The following GPC5 variants were observed in gnomAD, a reference collection of about 807,000 sequenced individuals.
GPC5 encodes the protein glypican-5.
In GPC5, 47 loss-of-function variants were observed where a neutral mutation model predicts 53.9. That is an observed-to-expected ratio of 0.87 (90% CI 0.69 to 1.11). The LOEUF (loss-of-function observed/expected upper bound fraction) is 1.11. Ranked by LOEUF, GPC5 falls within the 50% of genes most tolerant of loss-of-function variation. The probability of loss-of-function intolerance (pLI) is 0.00; values close to 1 mark genes in which losing one functional copy is unlikely to be tolerated. For missense variants in GPC5, 748 were observed against 713.1 expected (o/e 1.05, Z -0.56); for synonymous variants, 286 against 263.3 (o/e 1.09, Z -0.84).
At chr13:92,385,521 T>C (rs1874619477) in intron 7 of GPC5, among the ~76,000 whole-genome samples, 1 of 137,588 alleles carries the variant, frequency 7.3e-6, no homozygotes, top group South Asian at 2.1e-4. Context: ...TATACATACA[T>C]ATGCATATAT....
At chr13:92,014,384 T>G (rs2040688997) in intron 6 of GPC5, among the ~76,000 whole-genome samples, 1 of 152,234 alleles carries the variant, frequency 6.6e-6, no homozygotes, top group African/African-American at 2.4e-5. Flanking sequence ...TTCTTCAGCC[T>G]GCCCACGTTG....
In GPC5 at chr13:92,462,400, G is replaced by A. The variant is rs147466547; in HGVS notation, c.1561+317411G>A. Among the ~76,000 whole-genome samples the A allele has an allele frequency of 5.5e-3, 831 of 152,266 alleles. 10 individuals are homozygous for A. Among genetic ancestry groups the A allele is most frequent in the African/African-American group, 0.019 (798 of 41,558 alleles). On this transcript the variant is annotated intron_variant, in intron 7 of 7. Coordinates refer to ENST00000377067, the MANE Select transcript of GPC5 (RefSeq NM_004466.6). ...GAGTTTAAGGTTGGATGAAGTGTGA[G>A]ATATGAAAGAAGCATCCAGGTGAGT...
chr13:92,675,608 G>A (rs1320414181), intron 7 of GPC5, among the ~76,000 whole-genome samples: 1 of 151,366 alleles, frequency 6.6e-6, no homozygotes, highest in East Asian at 1.9e-4. Flanking sequence ...AAGCAAGTAC[G>A]TGTACAACAA....
intron 7 of GPC5, among the ~76,000 whole-genome samples, chr13:92,175,581 T>G (rs911175971): frequency 8.5e-5 from 13 of 152,170 alleles, no homozygotes; most frequent in African/African-American, 2.7e-4. Flanking sequence ...AAACGTTTAC[T>G]GAACTCTTGG....
intron 6 of GPC5, among the ~76,000 whole-genome samples, chr13:92,132,198 G>A (rs1566449232): frequency 1.3e-5 from 2 of 152,100 alleles, no homozygotes; most frequent in African/African-American, 4.8e-5. Context: ...ATATTTGGTG[G>A]AAGAAAATTA....
At chr13:91,791,691 G>A (rs971325309) in intron 5 of GPC5, among the ~76,000 whole-genome samples, 15 of 148,744 alleles carry the variant, frequency 1.0e-4, no homozygotes, top group African/African-American at 2.0e-4. Flanking sequence ...GCAGCTCTCC[G>A]TTGTAAAATT....
chr13:92,441,678 T>C (rs891933883), intron 7 of GPC5, among the ~76,000 whole-genome samples: 5 of 152,116 alleles, frequency 3.3e-5, no homozygotes, highest in African/African-American at 1.2e-4. Flanking sequence ...CTGAAAGAAG[T>C]CAGTGAAGAC....
At chr13:92,706,240 T>C (rs960938175) in intron 7 of GPC5, among the ~76,000 whole-genome samples, 6 of 152,146 alleles carry the variant, frequency 3.9e-5, no homozygotes, top group Non-Finnish European at 8.8e-5. Context: ...TTTCAAAATG[T>C]CATACGTAAT....
At chr13:91,700,917 A>C (rs1165318700) in intron 3 of GPC5, among the ~76,000 whole-genome samples, 1 of 152,168 alleles carries the variant, frequency 6.6e-6, no homozygotes, top group Non-Finnish European at 1.5e-5. Flanking sequence ...AATTTTTCTG[A>C]AATAATTTCT....
chr13:91,437,289 T>A (rs371207100), intron 1 of GPC5, among the ~76,000 whole-genome samples: 3 of 152,368 alleles, frequency 2.0e-5, no homozygotes, highest in East Asian at 3.8e-4. Context: ...GCCTCGATGG[T>A]CTTTACAATT....
intron 6 of GPC5, among the ~76,000 whole-genome samples, chr13:91,953,056 G>C (rs924265199): frequency 1.3e-5 from 2 of 152,122 alleles, no homozygotes; most frequent in Non-Finnish European, 2.9e-5. Context: ...ACTTTTAAAA[G>C]TAATATAATC....
At chr13:92,499,936 T>A (rs1187012136) in intron 7 of GPC5, among the ~76,000 whole-genome samples, 1 of 152,162 alleles carries the variant, frequency 6.6e-6, no homozygotes, top group Non-Finnish European at 1.5e-5. Context: ...GAATAAGCTA[T>A]AAAACCTGAA....
At chr13:91,488,074 A>G (rs61418383) in intron 2 of GPC5, among the ~76,000 whole-genome samples, 5,766 of 152,228 alleles carry the variant, frequency 0.038, 352 homozygotes, top group African/African-American at 0.13. Flanking sequence ...GGATAGGAAG[A>G]GAGAAATACA....
chr13:92,259,255 A>G (rs1337716604), intron 7 of GPC5, among the ~76,000 whole-genome samples: 2 of 152,202 alleles, frequency 1.3e-5, no homozygotes, highest in East Asian at 3.8e-4. Context: ...TGAACTAAAT[A>G]TTTAATTATA....
intron 5 of GPC5, among the ~76,000 whole-genome samples, chr13:91,803,704 T>C (rs1456124892): frequency 6.6e-6 from 1 of 152,020 alleles, no homozygotes; most frequent in Non-Finnish European, 1.5e-5. Flanking sequence ...AATTGTTGAA[T>C]TAAATTTCCT....
intron 6 of GPC5, among the ~76,000 whole-genome samples, chr13:92,121,534 G>T (rs1342507359): frequency 6.6e-6 from 1 of 152,208 alleles, no homozygotes; most frequent in Non-Finnish European, 1.5e-5. Flanking sequence ...ATAGGGAGAA[G>T]TATGTGGAAG....
At chr13:92,062,212 C>T (rs1427583957) in intron 6 of GPC5, among the ~76,000 whole-genome samples, 4 of 151,722 alleles carry the variant, frequency 2.6e-5, no homozygotes, top group Non-Finnish European at 5.9e-5. Flanking sequence ...TAGCTAATAA[C>T]TACTGATTAT....
At chr13:91,511,776 T>C (rs1182154177) in intron 2 of GPC5, among the ~76,000 whole-genome samples, 9 of 152,264 alleles carry the variant, frequency 5.9e-5, no homozygotes, top group Admixed American at 5.2e-4. Context: ...TTCTATTATA[T>C]TACTTAACAT....
chr13:91,568,763 T>C (rs1046414629), intron 2 of GPC5, among the ~76,000 whole-genome samples: 1 of 151,400 alleles, frequency 6.6e-6, no homozygotes, highest in African/African-American at 2.4e-5. Flanking sequence ...TCTTTCTTTT[T>C]TTTTTTTTTC....
Sources: allele counts gnomAD v4.1 joint callset (sites outside exome capture counted in the v4.1 genomes callset), GRCh38; gene constraint gnomAD v4.1.1; transcripts MANE v1.5; gene names NCBI Gene and HGNC (gene_info 2026-07-23, HGNC 2026-07-21).